The following SNX2 variants were observed in gnomAD, a reference collection of about 807,000 sequenced individuals.
The protein encoded by SNX2 is sorting nexin 2.
SNX2 carries 25 observed loss-of-function variants against 69.9 expected under a neutral mutation model. That is an observed-to-expected ratio of 0.36 (90% CI 0.26 to 0.50). The LOEUF (loss-of-function observed/expected upper bound fraction) is 0.50, where lower values mean the gene tolerates loss of function less well. Among genes scored for constraint, SNX2 ranks in the 20% least tolerant of loss-of-function variants. SNX2 has a pLI of 0.97. For synonymous variants in SNX2, 229 were observed against 200.4 expected (o/e 1.14, Z -1.20); for missense variants, 551 against 613.3 (o/e 0.90, Z 1.07).
intron 2 of SNX2, among the ~76,000 whole-genome samples, chr5:122,796,603 G>T (rs1333443119): frequency 6.6e-6 from 1 of 152,088 alleles, no homozygotes; most frequent in Non-Finnish European, 1.5e-5. Flanking sequence ...TTGTTTCATG[G>T]TATTTGTATC....
At chr5:122,785,800 TC>T (rs1209773719) in intron 1 of SNX2, among the ~76,000 whole-genome samples, 1 of 152,222 alleles carries the variant, frequency 6.6e-6, no homozygotes, top group East Asian at 1.9e-4. Context: ...CAGAACATGT[TC>T]TATTATGCTA....
intron 7 of SNX2, among the ~76,000 whole-genome samples, chr5:122,810,994 C>G (rs1251626324): frequency 6.6e-6 from 1 of 152,044 alleles, no homozygotes; most frequent in East Asian, 1.9e-4. Flanking sequence ...TTTTCTTGCC[C>G]TTTCATATAG....
rs761794122 is a variant in SNX2, at chr5:122,827,577, A to C, written c.1440A>C (p.Lys480Asn). 1.7e-5 allele frequency: 27 copies of C among 1,613,002 alleles called. No homozygotes were observed. In the South Asian group the frequency reaches 2.9e-4, roughly 17 times the overall value. Residue 480 changes from lysine to asparagine, a missense_variant and splice_region_variant, in exon 14 of 15, where the codon AAA becomes AAC. Physicochemically the swap from Lys to Asn is moderately conservative, Grantham distance 94 (BLOSUM62 0). Around this residue, in one of 2 missense-constraint regions of SNX2, gnomAD observed 360 missense variants for 450.4 expected, o/e 0.80. Transcript: ENST00000379516. ...CTTTTTAAAATGTACTTCAACAGAA[A>C]GAACGAGTGAAGGATTTTAAAACCG... ...TIRKEVGRFE[K>N]ERVKDFKTVI...
At chr5:122,810,398 TTAAAAAAA>T in intron 7 of SNX2, among the ~76,000 whole-genome samples, 1 of 59,904 alleles carries the variant, frequency 1.7e-5, no homozygotes, top group African/African-American at 8.8e-5. Flanking sequence ...GAATGATCAA[TTAAAAAAA>T]AAAAAAAAAA....
intron 7 of SNX2, among the ~76,000 whole-genome samples, chr5:122,812,929 C>T (rs1386547233): frequency 1.3e-5 from 2 of 152,168 alleles, no homozygotes; most frequent in Non-Finnish European, 2.9e-5. Context: ...TTTTATATAA[C>T]CTGCTTTATT....
intron 3 of SNX2, among the ~76,000 whole-genome samples, chr5:122,800,558 G>A (rs76061580): frequency 0.03 from 4,579 of 152,202 alleles, 127 homozygotes; most frequent in East Asian, 0.041. Flanking sequence ...TGGTTATGTT[G>A]GCAGGTAAAG....
chr5:122,790,776 A>G (rs1446721744), intron 1 of SNX2, among the ~76,000 whole-genome samples: 1 of 152,170 alleles, frequency 6.6e-6, no homozygotes, highest in Non-Finnish European at 1.5e-5. Flanking sequence ...CTTTGGGAAA[A>G]TATCTGGATT....
chr5:122,810,919 T>A (rs1010798381), intron 7 of SNX2, among the ~76,000 whole-genome samples: 1 of 152,250 alleles, frequency 6.6e-6, no homozygotes, highest in Non-Finnish European at 1.5e-5. Context: ...TCTTAATTCT[T>A]CTGTGCAAGC....
chr5:122,789,629 A>T (rs1034476529), intron 1 of SNX2, among the ~76,000 whole-genome samples: 2 of 152,174 alleles, frequency 1.3e-5, no homozygotes, highest in African/African-American at 4.8e-5. Context: ...AGAGGGGGAA[A>T]AAAACAGGGA....
chr5:122,827,453 A>G lies in SNX2; in HGVS notation c.1431A>G (p.Arg477=). The G allele has an allele frequency of 6.2e-7, 1 of 1,613,190 alleles. No individual in the cohort carries two copies. Among genetic ancestry groups the G allele is most frequent in the Middle Eastern group, 1.7e-4 (1 of 6,058 alleles). Residue 477 remains arginine (R), a synonymous_variant, in exon 13 of 15, where the codon AGA becomes AGG. Coordinates refer to ENST00000379516, the MANE Select transcript of SNX2 (RefSeq NM_003100.4). ...AAACGATTCGAAAAGAAGTGGGAAG[A>G]TTTGAGGCATGTATAATAATTTTGC... ...ISKTIRKEVG[R]FEKERVKDFK... is the part of the protein sequence containing the mutation.
At chr5:122,825,600 C>G (rs1157330226) in intron 11 of SNX2, among the ~76,000 whole-genome samples, 1 of 151,824 alleles carries the variant, frequency 6.6e-6, no homozygotes, top group Non-Finnish European at 1.5e-5. Flanking sequence ...ATTTCTTCTA[C>G]CACATATCTT....
rs917136407 is a variant in SNX2 at position 122,790,740 on chromosome 5, A to G, written c.109-4526A>G. 5.3e-5 allele frequency among the ~76,000 whole-genome samples: 8 copies of G among 152,300 alleles called. No homozygotes were observed. In the South Asian group the frequency reaches 8.3e-4, roughly 16 times the overall value. ...TAGGGGAATTGGCTAGTTATGGAAG[A>G]TTTGGGTGGTAAGAGAGAAGTAGGA... On this transcript the variant is annotated intron_variant, in intron 1 of 14. Coordinates refer to ENST00000379516, the MANE Select transcript of SNX2 (RefSeq NM_003100.4).
At chr5:122,813,817 A>AGGCTAGAGTGCAATGGTGCAATCTCGGCC in intron 7 of SNX2, among the ~76,000 whole-genome samples, 1 of 132,498 alleles carries the variant, frequency 7.5e-6, no homozygotes, top group Middle Eastern at 5.1e-3. Context: ...TCTGTCACCC[A>AGGCTAGAGTGCAATGGTGCAATCTCGGCC]GGCTAGAGTG....
intron 11 of SNX2, among the ~76,000 whole-genome samples, chr5:122,821,456 CT>C (rs1004929924): frequency 2.8e-4 from 42 of 149,160 alleles, no homozygotes; most frequent in Admixed American, 3.3e-4. Context: ...AGTAGATGTC[CT>C]TTTTTTTTTT....
At chr5:122,813,982 C>T (rs1484588133) in intron 7 of SNX2, among the ~76,000 whole-genome samples, 1 of 152,052 alleles carries the variant, frequency 6.6e-6, no homozygotes, top group East Asian at 1.9e-4. Flanking sequence ...CCATGTTGGT[C>T]AGGCTGGTCT....
At chr5:122,775,343 C>T in intron 1 of SNX2, 132 bp downstream of exon 1, 1 of 1,388,008 alleles carries the variant, frequency 7.2e-7, no homozygotes, top group Admixed American at 2.9e-5. Flanking sequence ...TGACGCGAGC[C>T]CCACCTCCGG....
intron 3 of SNX2, among the ~76,000 whole-genome samples, chr5:122,800,817 A>G (rs1753490105): frequency 6.6e-6 from 1 of 152,174 alleles, no homozygotes; most frequent in Non-Finnish European, 1.5e-5. Context: ...ATAGTGTTAG[A>G]CTATTAATAA....
At chr5:122,828,541 A>AT (rs547748488) in intron 14 of SNX2, among the ~76,000 whole-genome samples, 64 of 145,096 alleles carry the variant, frequency 4.4e-4, no homozygotes, top group Middle Eastern at 3.6e-3. Context: ...CTTATATCCC[A>AT]TTTTTTTTTG....
At chr5:122,807,591 A>G (rs562002054) in intron 6 of SNX2, among the ~76,000 whole-genome samples, 8 of 152,338 alleles carry the variant, frequency 5.3e-5, no homozygotes, top group African/African-American at 1.4e-4. Flanking sequence ...CCTTGTTTCC[A>G]CAGAATACAT....
Sources: allele counts gnomAD v4.1 joint callset (sites outside exome capture counted in the v4.1 genomes callset), GRCh38; gene constraint gnomAD v4.1.1; regional missense constraint gnomAD v4.1.1; transcripts MANE v1.5; gene names NCBI Gene and HGNC (gene_info 2026-07-23, HGNC 2026-07-21).